The following ZNF83 variants were observed in gnomAD, a reference collection of about 807,000 sequenced individuals.
The protein encoded by ZNF83 is zinc finger protein 83.
For synonymous variants in ZNF83, 209 were observed against 213.0 expected (o/e 0.98, Z 0.17); for missense variants, 552 against 629.9 (o/e 0.88, Z 1.32).
chr19:52,667,081 TACA>T (rs758440873), intron 1 of ZNF83, among the ~76,000 whole-genome samples: 16 of 152,182 alleles, frequency 1.1e-4, no homozygotes, highest in Non-Finnish European at 1.9e-4. Flanking sequence ...ATCCCAAACT[TACA>T]ACGTTTTCAA....
At chr19:52,639,563 G>A (rs370399377), upstream of ZNF83, among the ~76,000 whole-genome samples, 1 of 151,118 alleles carries the variant, frequency 6.6e-6, no homozygotes, top group Non-Finnish European at 1.5e-5. Flanking sequence ...CATTACAGAC[G>A]CGCACAACCA....
At chr19:52,644,962 A>T (rs574664548) in intron 3 of ZNF83, among the ~76,000 whole-genome samples, 2 of 149,334 alleles carry the variant, frequency 1.3e-5, no homozygotes, top group African/African-American at 5.0e-5. Flanking sequence ...GTGAGCTGAG[A>T]TCTCACCATT....
intron 3 of ZNF83, chr19:52,655,458 C>A: frequency 9.1e-7 from 1 of 1,104,776 alleles, no homozygotes; most frequent in Non-Finnish European, 1.3e-6. Context: ...ACATGTACAT[C>A]AAAAGCATGT....
intron 3 of ZNF83, chr19:52,654,384 C>T (rs1484252958): frequency 1.7e-6 from 2 of 1,165,314 alleles, no homozygotes; most frequent in East Asian, 2.4e-5. Flanking sequence ...AGAACTCCGT[C>T]ATGGATTTTA....
At chr19:52,671,510 CACTGCT>C in intron 1 of ZNF83, among the ~76,000 whole-genome samples, 1 of 151,738 alleles carries the variant, frequency 6.6e-6, no homozygotes, top group South Asian at 2.1e-4. Context: ...GTGGCAGGAA[CACTGCT>C]CCTTGCACCC....
Position 52,647,464 on chromosome 19 carries a change from G to A in ZNF83, c.-74+8097C>T, listed in dbSNP as rs555530304. Among the ~76,000 whole-genome samples the A allele has an allele frequency of 5.3e-5, 8 of 152,022 alleles. No individual in the cohort carries two copies. In the South Asian group the frequency reaches 1.7e-3, roughly 32 times the overall value. On this transcript the variant is annotated intron_variant, in intron 3 of 5. Coordinates refer to the ZNF83 transcript ENST00000594682. ...CCCTGTTAATTTTTGTTTTTTGGAA[G>A]AGATGGGGGGTCTCACTATGTTACC... is the stretch of plus-strand genomic sequence containing the variant.
At chr19:52,618,565 T>G in intron 2 of ZNF83, 2 of 215,282 alleles carry the variant, frequency 9.3e-6, no homozygotes, top group Non-Finnish European at 1.8e-5. Context: ...CCTGGCCAAT[T>G]TTTGTATTTT....
At chr19:52,667,402 A>C (rs1243880217) in intron 1 of ZNF83, among the ~76,000 whole-genome samples, 1 of 152,144 alleles carries the variant, frequency 6.6e-6, no homozygotes, top group African/African-American at 2.4e-5. Flanking sequence ...GAAAAGTTAT[A>C]AGAGGGAATT....
chr19:52,637,094 T>C (rs2061173976), intron 1 of ZNF83: 1 of 152,220 alleles, frequency 6.6e-6, no homozygotes, highest in East Asian at 1.9e-4. Context: ...CCTCTCCTGC[T>C]GTTTATCCCC....
intron 2 of ZNF83, among the ~76,000 whole-genome samples, chr19:52,659,824 T>C (rs535749392): frequency 6.6e-6 from 1 of 152,174 alleles, no homozygotes; most frequent in African/African-American, 2.4e-5. Context: ...AATTCAGAGA[T>C]AGAGAAAGAA....
rs200233052 is a variant in ZNF83, at chr19:52,614,460, C to T, written c.105G>A (p.Gly35=). 28 of 1,612,874 alleles carry T rather than the reference C, an allele frequency of 1.7e-5. No homozygotes were observed. The East Asian group carries it at 4.2e-4, about 24-fold the overall frequency. Reference sequence around the variant, plus strand: ...CCATGTGATCATATTTATATATTTTCCCTTCAGCTTGAAATAGCTGCAGTT... The same window carrying T: ...CCATGTGATCATATTTATATATTTTTCCTTCAGCTTGAAATAGCTGCAGTT... The change falls in exon 3 of 3, where the codon GGG becomes GGA. Residue 35 remains glycine, a synonymous_variant. Transcript: ENST00000301096.
intron 2 of ZNF83, among the ~76,000 whole-genome samples, chr19:52,632,027 C>T (rs2060987744): frequency 6.6e-6 from 1 of 152,264 alleles, no homozygotes; most frequent in South Asian, 2.1e-4. Flanking sequence ...GAGTCAGGAA[C>T]TAAAATATCT....
At chr19:52,629,744 G>C (rs1307647266) in intron 2 of ZNF83, among the ~76,000 whole-genome samples, 3 of 152,114 alleles carry the variant, frequency 2.0e-5, no homozygotes, top group African/African-American at 4.8e-5. Flanking sequence ...GCAACCCTGA[G>C]ACACTTTACA....
At chr19:52,688,337 A>AT (rs772311727) in intron 1 of ZNF83, among the ~76,000 whole-genome samples, 8,440 of 139,530 alleles carry the variant, frequency 0.06, 424 homozygotes, top group African/African-American at 0.14. Context: ...TACCCGATTA[A>AT]TTTTTTTTTT....
chr19:52,665,602 C>T (rs567751820), intron 1 of ZNF83, among the ~76,000 whole-genome samples: 23 of 152,154 alleles, frequency 1.5e-4, no homozygotes, highest in Non-Finnish European at 2.4e-4. Flanking sequence ...CATAAAGCAA[C>T]CTTTTTTAAT....
intron 1 of ZNF83, among the ~76,000 whole-genome samples, chr19:52,690,096 G>C (rs1034157473): frequency 6.6e-6 from 1 of 152,056 alleles, no homozygotes; most frequent in African/African-American, 2.4e-5. Flanking sequence ...CAAGGGCAAG[G>C]CTGGGAGGTG....
chr19:52,626,049 T>C (rs567473894), intron 2 of ZNF83, among the ~76,000 whole-genome samples: 13 of 152,326 alleles, frequency 8.5e-5, no homozygotes, highest in Non-Finnish European at 1.2e-4. Context: ...ATTTTTCTCA[T>C]TCCCAAAATT....
chr19:52,633,549 G>A (rs1323853109), intron 2 of ZNF83, among the ~76,000 whole-genome samples: 1 of 152,218 alleles, frequency 6.6e-6, no homozygotes, highest in Non-Finnish European at 1.5e-5. Context: ...GGATGTGACA[G>A]GGAAAGGAGA....
chr19:52,633,343 T>C (rs982515546), intron 2 of ZNF83, among the ~76,000 whole-genome samples: 4 of 152,162 alleles, frequency 2.6e-5, no homozygotes, highest in African/African-American at 7.2e-5. Flanking sequence ...AATAAACAGC[T>C]TTATTGCTCA....
Sources: allele counts gnomAD v4.1 joint callset (sites outside exome capture counted in the v4.1 genomes callset), GRCh38; gene constraint gnomAD v4.1.1; transcripts MANE v1.5; gene names NCBI Gene and HGNC (gene_info 2026-07-23, HGNC 2026-07-21).